Variants in SORCS1 observed in about 807,000 individuals in gnomAD.
The protein encoded by SORCS1 is sortilin related VPS10 domain containing receptor 1.
Under a neutral mutation model 146.1 loss-of-function variants are expected in SORCS1, and 60 were observed. The ratio of observed to expected loss-of-function variants is 0.41; its 90% CI spans 0.33 to 0.51. The LOEUF is 0.51. Among genes scored for constraint, SORCS1 ranks in the 20% least tolerant of loss-of-function variants. SORCS1 has a pLI of 0.21. For missense variants in SORCS1, 1,352 were observed against 1,487.6 expected (o/e 0.91, Z 1.50); for synonymous variants, 637 against 584.0 (o/e 1.09, Z -1.31).
At position 106,597,027 on chromosome 10, in the gene SORCS1, T is replaced by C. The variant is rs140257933; in HGVS notation, c.3265+324A>G. Among the ~76,000 whole-genome samples, 10 of 152,222 alleles carry C rather than the reference T, an allele frequency of 6.6e-5. No individual in the cohort carries two copies. In the East Asian group the frequency reaches 1.9e-3, roughly 30 times the overall value. Reference sequence around the variant, plus strand: ...CCACCCTGCCCAGCTGATTTTTGTATGTTTAGTACAGATGGGGTTTCACCA... The same window carrying C: ...CCACCCTGCCCAGCTGATTTTTGTACGTTTAGTACAGATGGGGTTTCACCA... On this transcript the variant is annotated intron_variant, in intron 24 of 25. Coordinates refer to ENST00000263054, the MANE Select transcript of SORCS1 (RefSeq NM_052918.5).
At chr10:106,897,774 A>G (rs548897724) in intron 2 of SORCS1, among the ~76,000 whole-genome samples, 18 of 152,358 alleles carry the variant, frequency 1.2e-4, no homozygotes, top group African/African-American at 4.1e-4. Context: ...TCCACTATGC[A>G]GAGCCACAGA....
At chr10:106,607,127 G>T in intron 23 of SORCS1, 39 bp downstream of exon 23, 1 of 1,608,552 alleles carries the variant, frequency 6.2e-7, no homozygotes, top group Non-Finnish European at 8.5e-7. Flanking sequence ...CTCCACAAAC[G>T]GTTGAAGCTG....
In SORCS1 at chr10:106,888,866, C is replaced by T. The variant is rs375204747; in HGVS notation, c.627-59193G>A. Among the ~76,000 whole-genome samples, 229 of 152,226 alleles carry T rather than the reference C, an allele frequency of 1.5e-3. 1 individual carries two copies. The highest frequency in any genetic ancestry group is 4.8e-3 in the African/African-American group (201 of 41,524). On this transcript the variant is annotated intron_variant, in intron 2 of 25. Transcript: ENST00000263054. Reference sequence around the variant, plus strand: ...CACTGCAGGAATGGAACGGAGTTTACGCTGGATAAACTAATTAACCACAGA... The same window carrying T: ...CACTGCAGGAATGGAACGGAGTTTATGCTGGATAAACTAATTAACCACAGA...
chr10:106,761,868 A>C (rs918118197), intron 4 of SORCS1, among the ~76,000 whole-genome samples: 2 of 152,232 alleles, frequency 1.3e-5, no homozygotes, highest in African/African-American at 4.8e-5. Context: ...ACAGTTGAGG[A>C]AACTGAAGCT....
intron 5 of SORCS1, among the ~76,000 whole-genome samples, chr10:106,746,099 G>C (rs938030781): frequency 1.3e-5 from 2 of 151,896 alleles, no homozygotes; most frequent in African/African-American, 2.4e-5. Context: ...AGACTAAAAA[G>C]ACATGAAAAA....
intron 9 of SORCS1, among the ~76,000 whole-genome samples, chr10:106,698,542 T>G (rs1589687741): frequency 6.6e-6 from 1 of 152,228 alleles, no homozygotes; most frequent in African/African-American, 2.4e-5. Context: ...TCAATGGCAA[T>G]TAAAGCATTG....
intron 1 of SORCS1, among the ~76,000 whole-genome samples, chr10:107,109,790 T>C (rs1245156920): frequency 6.6e-6 from 1 of 152,218 alleles, no homozygotes; most frequent in Non-Finnish European, 1.5e-5. Context: ...AACTTTTACA[T>C]TCTGTTTCCT....
chr10:106,710,547 A>T (rs1854906819), intron 6 of SORCS1, among the ~76,000 whole-genome samples: 1 of 152,108 alleles, frequency 6.6e-6, no homozygotes, highest in East Asian at 1.9e-4. Flanking sequence ...TGATAAATAC[A>T]ACATCAGTAA....
intron 1 of SORCS1, among the ~76,000 whole-genome samples, chr10:107,057,881 T>C (rs1960799258): frequency 6.6e-6 from 1 of 152,126 alleles, no homozygotes; most frequent in Non-Finnish European, 1.5e-5. Flanking sequence ...CTCACAGGCA[T>C]GGTCATCGCA....
chr10:106,649,651 T>C (rs1284057508), intron 18 of SORCS1, among the ~76,000 whole-genome samples: 1 of 152,192 alleles, frequency 6.6e-6, no homozygotes. Flanking sequence ...TTGATATCTT[T>C]CATCAGGCTT....
intron 1 of SORCS1, among the ~76,000 whole-genome samples, chr10:107,129,270 G>A (rs371631784): frequency 6.6e-6 from 1 of 152,200 alleles, no homozygotes; most frequent in Non-Finnish European, 1.5e-5. Flanking sequence ...AGAATCTCTT[G>A]GAGGCTGACT....
chr10:106,717,204 T>C (rs1460905747), intron 6 of SORCS1, among the ~76,000 whole-genome samples: 2 of 152,210 alleles, frequency 1.3e-5, no homozygotes, highest in Non-Finnish European at 2.9e-5. Context: ...TTAAAGCCCA[T>C]ACAAGCGCAT....
intron 1 of SORCS1, among the ~76,000 whole-genome samples, chr10:107,078,497 G>A (rs949465216): frequency 1.3e-5 from 2 of 152,160 alleles, no homozygotes; most frequent in African/African-American, 4.8e-5. Flanking sequence ...CCAGATCTCA[G>A]GCTGAAGTAT....
rs1349512690 is a variant in SORCS1, at chr10:106,955,069, G to C, written c.626+1444C>G. Among the ~76,000 whole-genome samples the C allele has an allele frequency of 2.6e-5, 4 of 152,320 alleles. No homozygotes were observed. The East Asian group carries it at 5.8e-4, about 22-fold the overall frequency. ...GGCATGGGCTAGAGCAGAGCAGTGG[G>C]ACTGAACGAGCTGTAACACGAATGA... On this transcript the variant is annotated intron_variant, in intron 2 of 25. Transcript: ENST00000263054.
intron 5 of SORCS1, among the ~76,000 whole-genome samples, chr10:106,749,477 G>A (rs1468771499): frequency 6.6e-6 from 1 of 152,108 alleles, no homozygotes; most frequent in African/African-American, 2.4e-5. Flanking sequence ...GCCCCTTTAT[G>A]GAAGGAACTG....
intron 2 of SORCS1, among the ~76,000 whole-genome samples, chr10:106,843,429 C>T (rs1477287823): frequency 8.6e-5 from 10 of 116,796 alleles, no homozygotes; most frequent in Admixed American, 1.1e-4. Context: ...GCAGGATTTC[C>T]TTTTTTTTTT....
In SORCS1 at chr10:106,726,185, C is replaced by CTCTTTTTTTTTTT. The variant is rs1435746962; in HGVS notation, c.1024+3864_1024+3865insAAAAAAAAAAAGA. Among the ~76,000 whole-genome samples the CTCTTTTTTTTTTT allele has an allele frequency of 1.1e-4, 7 of 66,296 alleles. 1 individual carries two copies. The highest frequency in any genetic ancestry group is 1.7e-4 in the Non-Finnish European group (6 of 35,220). The allele number at this position is 66,296 out of a possible 152,430, so 43.5% of individuals were successfully genotyped here. Reference sequence around the variant, plus strand: ...TTATTGAGACAATCTCTTTCCCTCTCTTTTTTTTTTTTTTTTTTTTTTACA... The same window carrying CTCTTTTTTTTTTT: ...TTATTGAGACAATCTCTTTCCCTCTCTCTTTTTTTTTTTTTTTTTTTTTTTTTTTTTTTTTACA... On this transcript the variant is annotated intron_variant, in intron 6 of 25. Coordinates refer to ENST00000263054, the MANE Select transcript of SORCS1 (RefSeq NM_052918.5).
intron 2 of SORCS1, among the ~76,000 whole-genome samples, chr10:106,899,058 T>A (rs971204366): frequency 2.6e-4 from 40 of 152,232 alleles, no homozygotes; most frequent in African/African-American, 9.6e-4. Context: ...TTTCTCAAAA[T>A]AATCTTTCCA....
rs1959502017 is a variant in SORCS1, at chr10:107,046,824, G to A, written c.559-90244C>T. ...CTCTCATGAGGACCCAAAACACTGG[G>A]TCTACCAGTTAGCATAGAAGGTATG... On this transcript the variant is annotated intron_variant, in intron 1 of 25. Transcript: ENST00000263054. Among the ~76,000 whole-genome samples, 3 of 152,148 alleles carry A rather than the reference G, an allele frequency of 2.0e-5. No homozygotes were observed. The South Asian group carries it at 6.2e-4, about 32-fold the overall frequency.
Sources: allele counts gnomAD v4.1 joint callset (sites outside exome capture counted in the v4.1 genomes callset), GRCh38; gene constraint gnomAD v4.1.1; transcripts MANE v1.5; gene names NCBI Gene and HGNC (gene_info 2026-07-23, HGNC 2026-07-21).